Variants in DNMBP observed in about 807,000 individuals in gnomAD.
The protein encoded by DNMBP is dynamin-binding protein.
Under a neutral mutation model 150.0 loss-of-function variants are expected in DNMBP, and 87 were observed. That is an observed-to-expected ratio of 0.58 (90% CI 0.49 to 0.69). The LOEUF is 0.69. Among genes scored for constraint, DNMBP ranks in the 30% least tolerant of loss-of-function variants. The probability of loss-of-function intolerance (pLI) is 0.00; values close to 1 mark genes in which losing one functional copy is unlikely to be tolerated. For missense variants in DNMBP, 1,774 were observed against 1,949.0 expected, an observed-to-expected ratio of 0.91 and a Z score of 1.69; for synonymous variants, 711 against 750.4, an observed-to-expected ratio of 0.95 and a Z score of 0.86.
intron 6 of DNMBP, among the ~76,000 whole-genome samples, chr10:99,904,211 C>T (rs994923447): frequency 6.6e-6 from 1 of 152,088 alleles, no homozygotes; most frequent in South Asian, 2.1e-4. Context: ...GCTGTGATCA[C>T]ACTGCTACAC....
intron 4 of DNMBP, among the ~76,000 whole-genome samples, chr10:99,918,029 TAGAA>T (rs1354411323): frequency 1.6e-5 from 2 of 127,730 alleles, no homozygotes; most frequent in Non-Finnish European, 3.4e-5. Flanking sequence ...ATATGCAAAA[TAGAA>T]AGCAAAAACA....
At chr10:99,937,611 T>C (rs1361909228) in intron 4 of DNMBP, among the ~76,000 whole-genome samples, 1 of 152,152 alleles carries the variant, frequency 6.6e-6, no homozygotes, top group East Asian at 1.9e-4. Context: ...CCTGGCCTAA[T>C]TCAAAAGTGG....
intron 4 of DNMBP, among the ~76,000 whole-genome samples, chr10:99,915,223 A>C (rs1231802804): frequency 6.7e-6 from 1 of 149,964 alleles, no homozygotes; most frequent in Non-Finnish European, 1.5e-5. Flanking sequence ...ATACACACAC[A>C]CACACACACA....
intron 1 of DNMBP, among the ~76,000 whole-genome samples, chr10:99,976,650 T>C (rs1254320559): frequency 4.6e-5 from 7 of 152,166 alleles, no homozygotes; most frequent in African/African-American, 1.7e-4. Flanking sequence ...AAAGGACACA[T>C]GTTCGTGGTA....
At position 99,908,948 on chromosome 10, in the gene DNMBP, C is replaced by T; in HGVS notation, c.2454+5G>A. The T allele has an allele frequency of 6.2e-7, 1 of 1,611,174 alleles. No individual in the cohort carries two copies. Among genetic ancestry groups the T allele is most frequent in the African/African-American group, 1.3e-5 (1 of 74,998 alleles). The stretch of plus-strand genomic sequence containing the variant: ...GTCAAACTAACTCTGTCTCCCAGTT[C>T]CCACCTGTGCCTGCTGCATGGGTAC... On this transcript the variant is annotated splice_donor_5th_base_variant and intron_variant, in intron 5 of 16. Coordinates refer to ENST00000324109, the MANE Select transcript of DNMBP (RefSeq NM_015221.4).
intron 15 of DNMBP, among the ~76,000 whole-genome samples, chr10:99,882,484 C>T (rs893976163): frequency 2.0e-5 from 3 of 151,980 alleles, no homozygotes; most frequent in South Asian, 2.1e-4. Context: ...CTCAGGAGGC[C>T]GAGACAGGAG....
chr10:99,901,584 A>G (rs187975956), intron 6 of DNMBP, among the ~76,000 whole-genome samples: 77 of 152,252 alleles, frequency 5.1e-4, no homozygotes, highest in African/African-American at 1.6e-3. Flanking sequence ...GCAAACTTCT[A>G]CAGAACAATT....
intron 6 of DNMBP, among the ~76,000 whole-genome samples, chr10:99,906,505 T>C (rs747113153): frequency 5.9e-5 from 9 of 152,146 alleles, no homozygotes; most frequent in Non-Finnish European, 8.8e-5. Context: ...GAAGTGATGC[T>C]GTGTCATGTT....
chr10:99,965,992 T>G (rs2040615558), intron 3 of DNMBP, among the ~76,000 whole-genome samples: 1 of 152,230 alleles, frequency 6.6e-6, no homozygotes, highest in African/African-American at 2.4e-5. Context: ...AAAACAATAC[T>G]TTCATTTTTT....
chr10:99,982,903 G>C (rs1431986550), intron 1 of DNMBP, among the ~76,000 whole-genome samples: 2 of 151,914 alleles, frequency 1.3e-5, no homozygotes, highest in African/African-American at 4.8e-5. Context: ...GGGAAGTGGA[G>C]GTTGCAGCAA....
chr10:99,968,111 C>T (rs962560385), intron 3 of DNMBP, among the ~76,000 whole-genome samples: 11 of 152,130 alleles, frequency 7.2e-5, no homozygotes, highest in East Asian at 3.9e-4. Context: ...TCAAGCGATC[C>T]TCTTGCTGCA....
intron 1 of DNMBP, among the ~76,000 whole-genome samples, chr10:99,991,735 T>C (rs1301679242): frequency 1.3e-5 from 2 of 151,380 alleles, no homozygotes; most frequent in African/African-American, 4.9e-5. Flanking sequence ...TGAAACCCCA[T>C]CTCTACTAAA....
At chr10:99,891,880 T>A (rs1464520901) in intron 11 of DNMBP, among the ~76,000 whole-genome samples, 1 of 139,712 alleles carries the variant, frequency 7.2e-6, no homozygotes, top group Non-Finnish European at 1.5e-5. Flanking sequence ...GTCTGGGAGG[T>A]GAGGAGCGTC....
intron 15 of DNMBP, among the ~76,000 whole-genome samples, chr10:99,882,245 G>C (rs2039378801): frequency 6.6e-6 from 1 of 152,148 alleles, no homozygotes; most frequent in Admixed American, 6.5e-5. Context: ...TCTGGGGAGA[G>C]GTTGCTCAAC....
At chr10:99,890,578 T>A (rs2039540606) in intron 11 of DNMBP, among the ~76,000 whole-genome samples, 1 of 152,116 alleles carries the variant, frequency 6.6e-6, no homozygotes, top group East Asian at 1.9e-4. Flanking sequence ...GATATCAGCA[T>A]GAGAGGGATA....
chr10:99,877,323 A>G lies in DNMBP; in HGVS notation c.4562T>C (p.Val1521Ala). The stretch of plus-strand genomic sequence containing the variant: ...TGGGTTTCGTGCCTTGAAGGTGTAG[A>G]CAGCAAAATAGACCTGTGTGAGGGA... Reference protein sequence around the residue: ...EAEGNQVYFAVYTFKARNPNE... With the variant: ...EAEGNQVYFAAYTFKARNPNE... Residue 1521 changes from valine (V) to alanine (A), a missense_variant, in exon 17 of 17, where the codon GTC becomes GCC. Val to Ala is a moderately conservative substitution (Grantham distance 64). Transcript: ENST00000324109. The G allele has an allele frequency of 1.2e-6, 2 of 1,612,458 alleles. No individual in the cohort carries two copies. The highest frequency in any genetic ancestry group is 1.7e-6 in the Non-Finnish European group (2 of 1,179,302).
intron 3 of DNMBP, among the ~76,000 whole-genome samples, chr10:99,966,306 T>C (rs2040618677): frequency 6.6e-6 from 1 of 152,230 alleles, no homozygotes; most frequent in Admixed American, 6.5e-5. Flanking sequence ...AGTCTCTCTT[T>C]CCCAGTGTAT....
chr10:99,964,101 C>T, intron 3 of DNMBP, among the ~76,000 whole-genome samples: 1 of 149,088 alleles, frequency 6.7e-6, no homozygotes, highest in Non-Finnish European at 1.5e-5. Context: ...ACTTGTTTCT[C>T]TCCTCTCTGT....
At chr10:99,998,020 G>C (rs1415342527) in intron 1 of DNMBP, among the ~76,000 whole-genome samples, 1 of 149,176 alleles carries the variant, frequency 6.7e-6, no homozygotes, top group African/African-American at 2.5e-5. Flanking sequence ...CAGATCACAA[G>C]GTCAGGAGAT....
Sources: gnomAD v4.1 joint callset for allele counts (sites outside exome capture counted in the v4.1 genomes callset) on GRCh38, gnomAD v4.1.1 for gene constraint, MANE v1.5 for transcripts, NCBI Gene and HGNC (gene_info 2026-07-23, HGNC 2026-07-21) for gene names.